ELP2: variants seen among roughly 807,000 people sequenced by gnomAD.
ELP2 encodes elongator acetyltransferase complex subunit 2.
Under a neutral mutation model 119.2 loss-of-function variants are expected in ELP2, and 90 were observed. The ratio of observed to expected loss-of-function variants is 0.75; its 90% CI spans 0.64 to 0.90. The LOEUF (loss-of-function observed/expected upper bound fraction) is 0.90, where lower values mean the gene tolerates loss of function less well. Ranked by LOEUF, ELP2 falls within the 40% of genes least tolerant of loss-of-function variation. ELP2 has a pLI of 0.00. For missense variants in ELP2, 921 were observed against 967.8 expected, an observed-to-expected ratio of 0.95 and a Z score of 0.64; for synonymous variants, 339 against 331.0, an observed-to-expected ratio of 1.02 and a Z score of -0.26.
rs1422226978 is a variant in ELP2 at position 36,166,335 on chromosome 18, T to TTG, written c.1955-765_1955-764insGT. Among the ~76,000 whole-genome samples, 66 of 124,058 alleles carry TTG rather than the reference T, an allele frequency of 5.3e-4. 5 individuals are homozygous for TTG. Among genetic ancestry groups the TTG allele is most frequent in the South Asian group, 9.1e-4 (3 of 3,280 alleles). 81.4% of individuals were successfully genotyped at this position (124,058 alleles called of 152,430 possible). A position where few individuals can be genotyped will look rare whatever the true frequency, so the allele number is the denominator to read the frequency against. On this transcript the variant is annotated intron_variant, in intron 18 of 21. Coordinates refer to ENST00000358232, the MANE Select transcript of ELP2 (RefSeq NM_018255.4). ...TTTTTTAGGGTTTTTTTTTTTTTTTTTTTTTTTTTTTTCAGACGGAGTTTC... is the reference window on the plus strand; with the variant it reads ...TTTTTTAGGGTTTTTTTTTTTTTTTTTGTTTTTTTTTTTTCAGACGGAGTTTC...
At chr18:36,141,444 G>A (rs1369561014) in intron 6 of ELP2, 1 of 509,786 alleles carries the variant, frequency 2.0e-6, no homozygotes, top group Middle Eastern at 2.9e-4. Context: ...GGGGAGGAGA[G>A]ATGGAAGATG....
intron 11 of ELP2, 94 bp downstream of exon 11, chr18:36,146,475 G>T (rs1234401984): frequency 1.0e-5 from 14 of 1,382,210 alleles, no homozygotes; most frequent in African/African-American, 1.4e-5. Context: ...CAGAAACATA[G>T]TAGAGGCACT....
intron 11 of ELP2, among the ~76,000 whole-genome samples, chr18:36,148,172 C>T (rs1242534909): frequency 6.6e-6 from 1 of 151,192 alleles, no homozygotes; most frequent in Non-Finnish European, 1.5e-5. Context: ...CGGCTCACTG[C>T]AAGCTCCGCC....
At chr18:36,174,231 A>G (rs2091166439) in intron 21 of ELP2, among the ~76,000 whole-genome samples, 1 of 152,110 alleles carries the variant, frequency 6.6e-6, no homozygotes, top group Non-Finnish European at 1.5e-5. Flanking sequence ...TTTTTTTTAA[A>G]CAACATTTGA....
Position 36,136,393 on chromosome 18 carries a change from T to G in ELP2, c.288+16T>G, listed in dbSNP as rs1433607656. On this transcript the variant is annotated intron_variant, in intron 3 of 21. Coordinates refer to ENST00000358232, the MANE Select transcript of ELP2 (RefSeq NM_018255.4). ...GGATAATCAGGTGAGTGGACATGTT[T>G]ATAATCAAGAAATGACTTTTTTTGT... 6.3e-7 allele frequency: 1 copy of G among 1,585,842 alleles called. No homozygotes were observed. Among genetic ancestry groups the G allele is most frequent in the South Asian group, 1.1e-5 (1 of 90,554 alleles).
intron 2 of ELP2, 55 bp downstream of exon 2, chr18:36,133,371 G>T: frequency 7.3e-7 from 1 of 1,361,700 alleles, no homozygotes; most frequent in Non-Finnish European, 1.1e-6. Context: ...ATAAAATAAG[G>T]TTAGCCATTT....
At chr18:36,158,654 A>G in intron 13 of ELP2, 181 bp from the exon 14 acceptor site, 2 of 559,358 alleles carry the variant, frequency 3.6e-6, no homozygotes, top group Middle Eastern at 5.0e-4. Flanking sequence ...TTAGCATTGC[A>G]TTGTTGGTTC....
rs769489394 is a variant in ELP2 at position 36,158,839 on chromosome 18, A to G, written c.1469A>G (p.Asp490Gly). 13 of 1,591,200 alleles carry G rather than the reference A, an allele frequency of 8.2e-6. No homozygotes were observed. The highest frequency in any genetic ancestry group is 1.7e-6 in the Non-Finnish European group (2 of 1,159,172). Residue 490 changes from aspartate to glycine, a missense_variant, in exon 14 of 22, where the codon GAT (aspartate) becomes GGT (glycine). By Grantham distance (94) the Asp-to-Gly change is moderately conservative. Coordinates refer to ENST00000358232, the MANE Select transcript of ELP2 (RefSeq NM_018255.4). ...ATATTATATTTTCTATTCTAGCAAG[A>G]TAGTGATCTTCCAGAAGGAGCCACT... Reference protein sequence around the residue: ...QSLNHVLCNQDSDLPEGATVP... With the variant: ...QSLNHVLCNQGSDLPEGATVP...
intron 16 of ELP2, 88 bp from the exon 17 acceptor site, chr18:36,160,844 T>C (rs1443057744): frequency 1.1e-5 from 9 of 822,280 alleles, no homozygotes; most frequent in Non-Finnish European, 1.9e-5. Context: ...GCTAGAGAGG[T>C]TGATGTTATT....
rs929130454 is a variant in ELP2 at position 36,155,269 on chromosome 18, C to T, written c.1275+270C>T. Among the ~76,000 whole-genome samples the T allele has an allele frequency of 3.5e-5, 5 of 143,532 alleles. 1 individual carries two copies. The highest frequency in any genetic ancestry group is 7.6e-5 in the Non-Finnish European group (5 of 65,442). 94.2% of individuals were successfully genotyped at this position (143,532 alleles called of 152,430 possible). ...CTCAGGTGATGCACCGCCCCTCCCC[C>T]CCCCCCGCCTCCCAAAGTGCTGGGT... On this transcript the variant is annotated intron_variant, in intron 12 of 21. Transcript: ENST00000358232.
At chr18:36,156,759 T>A in intron 13 of ELP2, 105 bp downstream of exon 13, 1 of 1,030,870 alleles carries the variant, frequency 9.7e-7, no homozygotes, top group Non-Finnish European at 1.5e-6. Flanking sequence ...AGAAAGAAAG[T>A]AATATTGTTT....
At chr18:36,153,870 T>C (rs1400208810) in intron 11 of ELP2, among the ~76,000 whole-genome samples, 1 of 151,860 alleles carries the variant, frequency 6.6e-6, no homozygotes, top group Non-Finnish European at 1.5e-5. Context: ...CACATCAACT[T>C]GTAGCCTCCC....
In ELP2 at chr18:36,142,292, G is replaced by A. The variant is rs375025226; in HGVS notation, c.600G>A (p.Val200=). 37 of 1,613,690 alleles carry A rather than the reference G, an allele frequency of 2.3e-5. No homozygotes were observed. Among genetic ancestry groups the A allele is most frequent in the African/African-American group, 1.3e-5 (1 of 74,894 alleles). The part of the protein sequence containing the change: ...FAQQNDQFQK[V]LSLCGHEDWI... Reference sequence around the variant, plus strand: ...TTTTATCTTACTAGTTTCAGAAAGTGCTTTCTCTCTGTGGACATGAGGATT... The same window carrying A: ...TTTTATCTTACTAGTTTCAGAAAGTACTTTCTCTCTGTGGACATGAGGATT... Residue 200 remains valine (V), a synonymous_variant, in exon 7 of 22, where the codon GTG becomes GTA. Coordinates refer to ENST00000358232, the MANE Select transcript of ELP2 (RefSeq NM_018255.4).
chr18:36,138,903 G>A (rs1446819160), intron 5 of ELP2, 31 bp downstream of exon 5: 2 of 1,528,416 alleles, frequency 1.3e-6, no homozygotes, highest in South Asian at 1.1e-5. Context: ...ATGTTAAAAG[G>A]GCAGTATATT....
chr18:36,171,569 A>G (rs967195961), intron 21 of ELP2, among the ~76,000 whole-genome samples: 1 of 152,140 alleles, frequency 6.6e-6, no homozygotes, highest in African/African-American at 2.4e-5. Context: ...CCTATAGTGG[A>G]GCTTTCAGGC....
chr18:36,161,435 A>C (rs1032962139), intron 17 of ELP2, among the ~76,000 whole-genome samples: 3 of 152,144 alleles, frequency 2.0e-5, no homozygotes, highest in Admixed American at 2.0e-4. Context: ...AATTTGATGA[A>C]TTTTAAATAA....
chr18:36,141,019 T>G, intron 5 of ELP2, 118 bp from the exon 6 acceptor site: 1 of 810,716 alleles, frequency 1.2e-6, no homozygotes, highest in Non-Finnish European at 2.2e-6. Context: ...ATTCGTGTAG[T>G]GGTGTGGGAA....
intron 6 of ELP2, chr18:36,141,503 C>CT (rs1392030019): frequency 2.6e-6 from 1 of 378,854 alleles, no homozygotes; most frequent in Admixed American, 3.8e-5. Context: ...TATAACATAC[C>CT]TACAGTGAAG....
chr18:36,170,089 C>CACTCACTG lies in ELP2; in HGVS notation c.2106_2107insCACTGACT (p.Asp703HisfsTer2). 6.2e-7 allele frequency: 1 copy of CACTCACTG among 1,614,084 alleles called. No homozygotes were observed. The highest frequency in any genetic ancestry group is 8.5e-7 in the Non-Finnish European group (1 of 1,180,012). On this transcript the variant is annotated frameshift_variant, in exon 20 of 22. Transcript: ENST00000358232. LOFTEE classifies it high-confidence loss of function. ...TGGTTGTCTGGGGTGAGTGCGACTCCACTGATGACTGTATTGAGCACAACA... is the reference window on the plus strand; with the variant it reads ...TGGTTGTCTGGGGTGAGTGCGACTCCACTCACTGACTGATGACTGTATTGAGCACAACA...
Sources: allele counts gnomAD v4.1 joint callset (sites outside exome capture counted in the v4.1 genomes callset), GRCh38; gene constraint gnomAD v4.1.1; transcripts MANE v1.5; gene names NCBI Gene and HGNC (gene_info 2026-07-23, HGNC 2026-07-21).